Variants in ALKBH3 observed in about 807,000 individuals in gnomAD.
The protein encoded by ALKBH3 is alkB homolog 3, alpha-ketoglutarate dependent dioxygenase.
ALKBH3 carries 51 observed loss-of-function variants against 43.9 expected under a neutral mutation model. The observed-to-expected ratio is 1.16, with a 90% CI of 0.93 to 1.47. ALKBH3 has a LOEUF of 1.47. Among genes scored for constraint, ALKBH3 ranks in the 40% most tolerant of loss-of-function variants. ALKBH3 has a pLI of 0.00. For missense variants in ALKBH3, 361 were observed against 351.9 expected (o/e 1.03, Z -0.21); for synonymous variants, 102 against 115.2 (o/e 0.89, Z 0.73).
chr11:43,893,318 G>C (rs1387983224), intron 7 of ALKBH3, among the ~76,000 whole-genome samples: 1 of 152,146 alleles, frequency 6.6e-6, no homozygotes, highest in Admixed American at 6.6e-5. Context: ...TCACCCAGCT[G>C]TGACAACCAA....
At chr11:43,894,741 A>G (rs1951806595) in intron 7 of ALKBH3, among the ~76,000 whole-genome samples, 1 of 152,244 alleles carries the variant, frequency 6.6e-6, no homozygotes, top group Non-Finnish European at 1.5e-5. Context: ...CTATGAAGAT[A>G]AATTTAAAGC....
intron 8 of ALKBH3, chr11:43,909,973 A>G (rs909893201): frequency 9.2e-5 from 14 of 152,216 alleles, no homozygotes; most frequent in Non-Finnish European, 1.5e-5. Flanking sequence ...ACCTCAAATC[A>G]AGTCCACCAG....
chr11:43,897,178 G>A, intron 7 of ALKBH3: 2 of 512,324 alleles, frequency 3.9e-6, no homozygotes, highest in Middle Eastern at 1.0e-3. Context: ...AATATGAAAA[G>A]TTTGACATGG....
intron 8 of ALKBH3, among the ~76,000 whole-genome samples, chr11:43,906,232 A>G (rs1010576424): frequency 4.6e-5 from 7 of 152,186 alleles, no homozygotes; most frequent in East Asian, 1.9e-4. Flanking sequence ...AGAGCACCCA[A>G]TGAATTGGAG....
intron 8 of ALKBH3, among the ~76,000 whole-genome samples, chr11:43,912,813 A>C (rs1442760082): frequency 6.6e-6 from 1 of 152,180 alleles, no homozygotes; most frequent in Non-Finnish European, 1.5e-5. Flanking sequence ...CTGCAATAAA[A>C]CAGTTGAGGT....
Position 43,901,726 on chromosome 11 carries a change from G to T in ALKBH3, c.669+1G>T. On this transcript the variant is annotated splice_donor_variant, in intron 8 of 9. Transcript: ENST00000302708. LOFTEE classifies it high-confidence loss of function. ...TGAGATGAGAAAGAAGCCACCACCA[G>T]TGAGTATTCTCTTTTTCTTATGCTC... is the stretch of plus-strand genomic sequence containing the variant. The T allele has an allele frequency of 6.2e-7, 1 of 1,614,080 alleles. No individual in the cohort carries two copies. Among genetic ancestry groups the T allele is most frequent in the Non-Finnish European group, 8.5e-7 (1 of 1,179,926 alleles).
At position 43,919,978 on chromosome 11, in the gene ALKBH3, G is replaced by A. The variant is rs751356949; in HGVS notation, c.829G>A (p.Val277Ile). 29 of 1,614,048 alleles carry A rather than the reference G, an allele frequency of 1.8e-5. No homozygotes were observed. In the South Asian group the frequency reaches 2.7e-4, roughly 15 times the overall value. Residue 277 changes from valine to isoleucine, a missense_variant, in exon 10 of 10, where the codon GTC becomes ATC. Physicochemically the swap from Val to Ile is conservative, Grantham distance 29. Transcript: ENST00000302708. Reference sequence around the variant, plus strand: ...GAGAGTGAACCTGACCTTTCGGACAGTCTATCCAGACCCTCGAGGGGCACC... The same window carrying A: ...GAGAGTGAACCTGACCTTTCGGACAATCTATCCAGACCCTCGAGGGGCACC... ...EPRVNLTFRT[V>I]YPDPRGAPW
chr11:43,907,400 C>T (rs183422734), intron 8 of ALKBH3, among the ~76,000 whole-genome samples: 117 of 152,258 alleles, frequency 7.7e-4, no homozygotes, highest in Middle Eastern at 3.4e-3. Flanking sequence ...TGCAACAAGC[C>T]TCCCAGTTTT....
chr11:43,892,478 A>G lies in ALKBH3; in HGVS notation c.459+349A>G, dbSNP rs35960108. ...TCCTTATGACTGACGAGTGAGGTCA[A>G]TATGCCTTTTTCTGTTTCTCAGGCT... On this transcript the variant is annotated intron_variant, in intron 7 of 9. Coordinates refer to ENST00000302708, the MANE Select transcript of ALKBH3 (RefSeq NM_139178.4). Among the ~76,000 whole-genome samples, 823 of 152,282 alleles carry G rather than the reference A, an allele frequency of 5.4e-3. 18 individuals carry two copies. The South Asian group carries it at 0.054, about 10-fold the overall frequency.
At chr11:43,909,915 T>C (rs1226976083) in intron 8 of ALKBH3, 2 of 152,246 alleles carry the variant, frequency 1.3e-5, no homozygotes, top group East Asian at 3.8e-4. Context: ...ACACACCTGC[T>C]GTTTCGCTCC....
At chr11:43,890,306 T>C (rs993940581) in intron 6 of ALKBH3, among the ~76,000 whole-genome samples, 1 of 152,190 alleles carries the variant, frequency 6.6e-6, no homozygotes. Context: ...ATCTGTACTC[T>C]CCTGAGCTTG....
chr11:43,886,292 G>A (rs2135177341), intron 4 of ALKBH3, among the ~76,000 whole-genome samples: 1 of 152,254 alleles, frequency 6.6e-6, no homozygotes, highest in African/African-American at 2.4e-5. Context: ...TGCTCTATTT[G>A]AAACCTCTTT....
intron 7 of ALKBH3, chr11:43,897,280 G>A (rs749348035): frequency 3.9e-5 from 23 of 582,644 alleles, no homozygotes; most frequent in East Asian, 8.6e-5. Context: ...ATGAGCGCCC[G>A]TCGCCACCCC....
At chr11:43,890,065 A>G (rs1590367936) in intron 6 of ALKBH3, among the ~76,000 whole-genome samples, 2 of 152,210 alleles carry the variant, frequency 1.3e-5, no homozygotes, top group Admixed American at 6.5e-5. Context: ...GTGAGAGTTC[A>G]AGGAACCAAA....
chr11:43,913,642 T>G (rs993778596), intron 8 of ALKBH3, among the ~76,000 whole-genome samples: 14 of 152,252 alleles, frequency 9.2e-5, no homozygotes, highest in African/African-American at 3.4e-4. Context: ...GTAGCACTTG[T>G]GTCCTGAGCA....
Position 43,901,431 on chromosome 11 carries a change from G to A in ALKBH3, c.460-85G>A, listed in dbSNP as rs942426407. ...CCCTGGTTATAACTTGGCTGATTTT[G>A]CCCTTTCTTTTCTGTTTTTCCATGC... On this transcript the variant is annotated intron_variant, in intron 7 of 9. Transcript: ENST00000302708. 7 of 1,513,754 alleles carry A rather than the reference G, an allele frequency of 4.6e-6. No homozygotes were observed. The Admixed American group carries it at 1.2e-4, about 27-fold the overall frequency. 93.8% of individuals were successfully genotyped at this position (1,513,754 alleles called of 1,614,324 possible). A position where few individuals can be genotyped will look rare whatever the true frequency, so the allele number is the denominator to read the frequency against.
intron 8 of ALKBH3, among the ~76,000 whole-genome samples, chr11:43,906,913 G>A (rs1241532901): frequency 6.6e-6 from 1 of 152,144 alleles, no homozygotes; most frequent in East Asian, 1.9e-4. Flanking sequence ...CTACTTCATG[G>A]AAGTAATCAA....
chr11:43,897,064 C>T, intron 7 of ALKBH3: 1 of 365,646 alleles, frequency 2.7e-6, no homozygotes, highest in South Asian at 2.1e-5. Flanking sequence ...GCCTCAGCCT[C>T]CTAAGTAGCT....
intron 8 of ALKBH3, among the ~76,000 whole-genome samples, chr11:43,912,052 G>A (rs1277022780): frequency 6.6e-6 from 1 of 152,128 alleles, no homozygotes; most frequent in Non-Finnish European, 1.5e-5. Context: ...GAACCTGGGA[G>A]GCAGAGGTTG....
Sources: gnomAD v4.1 joint callset for allele counts (sites outside exome capture counted in the v4.1 genomes callset) on GRCh38, gnomAD v4.1.1 for gene constraint, MANE v1.5 for transcripts, NCBI Gene and HGNC (gene_info 2026-07-23, HGNC 2026-07-21) for gene names.